Variants in NLRP12 observed in about 807,000 individuals in gnomAD.
NLRP12 encodes NACHT, LRR and PYD domains-containing protein 12.
A neutral mutation model predicts 91.2 loss-of-function variants in NLRP12; 108 were observed. The ratio of observed to expected loss-of-function variants is 1.18; its 90% CI spans 1.01 to 1.39. The LOEUF (loss-of-function observed/expected upper bound fraction) is 1.39. Among genes scored for constraint, NLRP12 ranks in the 40% most tolerant of loss-of-function variants. The pLI is 0.00. For missense variants in NLRP12, 1,530 were observed against 1,352.7 expected (o/e 1.13, Z -2.06); for synonymous variants, 613 against 566.7 (o/e 1.08, Z -1.16).
intron 1 of NLRP12, among the ~76,000 whole-genome samples, chr19:53,815,642 T>A (rs1157363688): frequency 6.6e-6 from 1 of 152,090 alleles, no homozygotes; most frequent in Non-Finnish European, 1.5e-5. Context: ...GGAGTCTGGC[T>A]CTGTTGCCCA....
chr19:53,798,704 A>T (rs1379152491), intron 7 of NLRP12, among the ~76,000 whole-genome samples: 1 of 152,042 alleles, frequency 6.6e-6, no homozygotes, highest in Admixed American at 6.6e-5. Context: ...GGAGTTTGTG[A>T]CCAGTCTGGA....
intron 1 of NLRP12, among the ~76,000 whole-genome samples, chr19:53,822,960 G>T (rs907034243): frequency 7.7e-4 from 116 of 151,492 alleles, no homozygotes; most frequent in African/African-American, 2.7e-3. Flanking sequence ...TAGAGACAGG[G>T]TTTTGCTATG....
intron 2 of NLRP12, among the ~76,000 whole-genome samples, chr19:53,814,306 G>A (rs1179789706): frequency 6.6e-6 from 1 of 152,080 alleles, no homozygotes; most frequent in African/African-American, 2.4e-5. Context: ...AGTGGGTTAC[G>A]TGGATGTGAC....
chr19:53,797,137 A>ATT (rs142973794), intron 8 of NLRP12, among the ~76,000 whole-genome samples: 8,247 of 150,690 alleles, frequency 0.055, 325 homozygotes, highest in South Asian at 0.18. Flanking sequence ...TTGAATTATT[A>ATT]TTTTTTTTTC....
chr19:53,795,808 C>G lies in NLRP12; in HGVS notation c.3098+51G>C, dbSNP rs769082456. Reference sequence around the variant, plus strand: ...CATCCAGCTTATCTACCCTCATGCTCCCAGCCCAATGTCCAGCCTCCTCCA... The same window carrying G: ...CATCCAGCTTATCTACCCTCATGCTGCCAGCCCAATGTCCAGCCTCCTCCA... On this transcript the variant is annotated intron_variant, in intron 9 of 9. Transcript: ENST00000324134. 13 of 1,569,672 alleles carry G rather than the reference C, an allele frequency of 8.3e-6. No homozygotes were observed. In the South Asian group the frequency reaches 1.4e-4, roughly 17 times the overall value.
At position 53,807,216 on chromosome 19, in the gene NLRP12, C is replaced by T. The variant is rs892098344; in HGVS notation, c.2243+279G>A. Among the ~76,000 whole-genome samples, 4 of 152,088 alleles carry T rather than the reference C, an allele frequency of 2.6e-5. No individual in the cohort carries two copies. In the South Asian group the frequency reaches 6.2e-4, roughly 24 times the overall value. Reference sequence around the variant, plus strand: ...CCAAGCAGCTGGGATTACAGGCGCCCGCCACCACACCCTCCTGATTTTTGT... The same window carrying T: ...CCAAGCAGCTGGGATTACAGGCGCCTGCCACCACACCCTCCTGATTTTTGT... On this transcript the variant is annotated intron_variant, in intron 4 of 9. Coordinates refer to ENST00000324134, the MANE Select transcript of NLRP12 (RefSeq NM_144687.4).
chr19:53,823,408 AATATATGTTTTAAAT>A lies in NLRP12; in HGVS notation c.289+463_289+477del, dbSNP rs1249850773. ...ATACATATTTTAAATATATATTTAA[AATATATGTTTTAAAT>A]ATATATATTTAAAATATATGTTTTA... On this transcript the variant is annotated intron_variant, in intron 1 of 9. Coordinates refer to ENST00000324134, the MANE Select transcript of NLRP12 (RefSeq NM_144687.4). Among the ~76,000 whole-genome samples, 484 of 112,548 alleles carry A rather than the reference AATATATGTTTTAAAT, an allele frequency of 4.3e-3. 7 individuals carry two copies. The highest frequency in any genetic ancestry group is 9.2e-3 in the African/African-American group (269 of 29,366). 73.8% of individuals were successfully genotyped at this position (112,548 alleles called of 152,430 possible).
chr19:53,824,179 G>A lies in NLRP12; in HGVS notation c.-5C>T, dbSNP rs1308688696. The A allele has an allele frequency of 3.1e-6, 5 of 1,613,642 alleles. No homozygotes were observed. Among genetic ancestry groups the A allele is most frequent in the Non-Finnish European group, 4.2e-6 (5 of 1,179,986 alleles). ...CCTGCCTGCGGTTCGTAGCATGGGG[G>A]TGCCGTGAGCCCCAAAGGAGAGGAC... On this transcript the variant is annotated 5_prime_UTR_variant, in exon 1 of 10. Transcript: ENST00000324134.
chr19:53,795,245 C>T (rs1242740479), intron 9 of NLRP12, among the ~76,000 whole-genome samples: 1 of 141,120 alleles, frequency 7.1e-6, no homozygotes, highest in Non-Finnish European at 1.5e-5. Context: ...CAGCCTGGGC[C>T]ACAGCAAGAT....
intron 8 of NLRP12, among the ~76,000 whole-genome samples, chr19:53,797,896 G>T (rs1043195160): frequency 6.6e-6 from 1 of 150,840 alleles, no homozygotes; most frequent in East Asian, 2.0e-4. Context: ...GTGCCACCAG[G>T]CCCGGCTATT....
intron 8 of NLRP12, among the ~76,000 whole-genome samples, chr19:53,796,318 C>G (rs2122509724): frequency 6.6e-6 from 1 of 152,076 alleles, no homozygotes; most frequent in South Asian, 2.1e-4. Context: ...GTGGCATGAT[C>G]TCGGCTCACT....
chr19:53,805,148 G>A, intron 5 of NLRP12, 132 bp downstream of exon 5: 1 of 906,802 alleles, frequency 1.1e-6, no homozygotes, highest in Non-Finnish European at 1.8e-6. Context: ...CCAGGGCCAG[G>A]GTCTTAGGTC....
In NLRP12 at chr19:53,793,914, G is replaced by T; in HGVS notation, c.*135C>A. ...CTGTCAAACATTAATTTGATCCCAA[G>T]CAGAGGGACTTTTGATCTCAATCTG... On this transcript the variant is annotated 3_prime_UTR_variant, in exon 10 of 10. Coordinates refer to ENST00000324134, the MANE Select transcript of NLRP12 (RefSeq NM_144687.4). The T allele has an allele frequency of 1.3e-6, 1 of 750,086 alleles. No individual in the cohort carries two copies. The highest frequency in any genetic ancestry group is 2.4e-6 in the Non-Finnish European group (1 of 412,128). 46.5% of individuals were successfully genotyped at this position (750,086 alleles called of 1,614,324 possible).
chr19:53,805,691 T>C (rs1346328491), intron 4 of NLRP12: 1 of 540,002 alleles, frequency 1.9e-6, no homozygotes, highest in African/African-American at 1.9e-5. Flanking sequence ...CTCATTTTGG[T>C]ATTTTTAGTA....
intron 2 of NLRP12, among the ~76,000 whole-genome samples, chr19:53,813,201 T>C (rs139534916): frequency 6.6e-6 from 1 of 151,680 alleles, no homozygotes; most frequent in Non-Finnish European, 1.5e-5. Flanking sequence ...ATTTCCAGAA[T>C]GCTTTCAGCA....
At chr19:53,807,691 C>A in intron 3 of NLRP12, 26 bp from the exon 4 acceptor site, 1 of 1,613,716 alleles carries the variant, frequency 6.2e-7, no homozygotes, top group African/African-American at 1.3e-5. Context: ...ACAGGCCACT[C>A]TCTGGTGTTA....
rs770685725 is a variant in NLRP12, at chr19:53,811,232, G to A, written c.427C>T (p.Arg143Cys). ...VRRKFRLMED[R>C]NARLGECVNL... is the part of the protein sequence containing the mutation. ...ACACATTCCCCTAGGCGCGCATTGC[G>A]GTCTTCCATGAGCCGGAATTTCCTG... The change falls in exon 3 of 10, where the codon CGC becomes TGC. Residue 143 changes from arginine (R) to cysteine (C), a missense_variant. Arg to Cys is a radical substitution (Grantham distance 180). Coordinates refer to ENST00000324134, the MANE Select transcript of NLRP12 (RefSeq NM_144687.4). 9 of 1,613,928 alleles carry A rather than the reference G, an allele frequency of 5.6e-6. No individual in the cohort carries two copies. Among genetic ancestry groups the A allele is most frequent in the East Asian group, 4.5e-5 (2 of 44,818 alleles).
At chr19:53,819,571 G>GTATGTATACGTATATACA (rs747379506) in intron 1 of NLRP12, among the ~76,000 whole-genome samples, 4 of 82,264 alleles carry the variant, frequency 4.9e-5, no homozygotes, top group Non-Finnish European at 1.1e-4. Context: ...GTATATATAT[G>GTATGTATACGTATATACA]CGTATATATG....
At chr19:53,802,072 A>G (rs2091884748) in intron 6 of NLRP12, among the ~76,000 whole-genome samples, 1 of 151,646 alleles carries the variant, frequency 6.6e-6, no homozygotes, top group Non-Finnish European at 1.5e-5. Flanking sequence ...TACTAAATAC[A>G]AAAAATTAGC....
Sources: allele counts gnomAD v4.1 joint callset (sites outside exome capture counted in the v4.1 genomes callset), GRCh38; gene constraint gnomAD v4.1.1; transcripts MANE v1.5; gene names NCBI Gene and HGNC (gene_info 2026-07-23, HGNC 2026-07-21).